Variants in CCSER1 observed in about 807,000 individuals in gnomAD.
CCSER1 encodes serine-rich coiled-coil domain-containing protein 1.
A neutral mutation model predicts 82.0 loss-of-function variants in CCSER1; 41 were observed. That is an observed-to-expected ratio of 0.50 (90% CI 0.39 to 0.65). The LOEUF (loss-of-function observed/expected upper bound fraction) is 0.65. CCSER1 is among the 30% of genes least tolerant of loss of function. CCSER1 has a pLI of 0.00. For missense variants in CCSER1, 1,119 were observed against 1,064.2 expected (o/e 1.05, Z -0.72); for synonymous variants, 414 against 383.9 (o/e 1.08, Z -0.92).
At chr4:90,954,399 A>T (rs928838818) in intron 9 of CCSER1, among the ~76,000 whole-genome samples, 1 of 152,014 alleles carries the variant, frequency 6.6e-6, no homozygotes, top group African/African-American at 2.4e-5. Context: ...TTTATAATTC[A>T]TTTCAGTTTT....
chr4:91,185,323 C>T (rs919767988), intron 10 of CCSER1, among the ~76,000 whole-genome samples: 11 of 152,146 alleles, frequency 7.2e-5, no homozygotes, highest in Admixed American at 3.3e-4. Flanking sequence ...GTAGATATAA[C>T]GATTTGAATT....
intron 4 of CCSER1, among the ~76,000 whole-genome samples, chr4:90,413,657 A>G (rs962192757): frequency 2.6e-5 from 4 of 151,924 alleles, no homozygotes; most frequent in African/African-American, 7.3e-5. Context: ...AATCCTTGTA[A>G]TAAAGAGTCC....
At chr4:91,264,751 G>A (rs953877917) in intron 10 of CCSER1, among the ~76,000 whole-genome samples, 3 of 151,970 alleles carry the variant, frequency 2.0e-5, no homozygotes, top group Non-Finnish European at 4.4e-5. Context: ...GGTGCATTCA[G>A]GGTAGTATGG....
At chr4:91,246,359 C>T (rs1012599850) in intron 10 of CCSER1, among the ~76,000 whole-genome samples, 22 of 151,936 alleles carry the variant, frequency 1.4e-4, no homozygotes, top group African/African-American at 4.1e-4. Flanking sequence ...AATTGAGAAA[C>T]GTACAACAGA....
At chr4:90,608,000 T>A (rs905670742) in intron 5 of CCSER1, among the ~76,000 whole-genome samples, 15 of 152,194 alleles carry the variant, frequency 9.9e-5, no homozygotes, top group African/African-American at 3.6e-4. Context: ...CAACTATATT[T>A]AGTAATGTTG....
intron 10 of CCSER1, among the ~76,000 whole-genome samples, chr4:91,274,012 CTTTATT>C (rs1349211239): frequency 6.6e-6 from 1 of 152,064 alleles, no homozygotes; most frequent in African/African-American, 2.4e-5. Context: ...GTTAACTCTC[CTTTATT>C]TTTAACTAAT....
intron 1 of CCSER1, among the ~76,000 whole-genome samples, chr4:90,203,761 C>A (rs554318434): frequency 6.6e-6 from 1 of 152,120 alleles, no homozygotes; most frequent in Non-Finnish European, 1.5e-5. Context: ...CATGAGGAAT[C>A]GCCACCCTGT....
chr4:91,029,975 C>G (rs2150551947), intron 9 of CCSER1, among the ~76,000 whole-genome samples: 1 of 151,050 alleles, frequency 6.6e-6, no homozygotes, highest in Non-Finnish European at 1.5e-5. Context: ...GCAATATTTA[C>G]TGTATTTTTG....
rs765197842 is a variant in CCSER1 at position 90,932,982 on chromosome 4, GAGAAAGAAAGAAAGAAAGAA to G, written c.2172+9579_2172+9598del. 2.8e-3 allele frequency among the ~76,000 whole-genome samples: 53 copies of G among 18,862 alleles called. 5 individuals carry two copies. The highest frequency in any genetic ancestry group is 0.023 in the Middle Eastern group (1 of 44). 12.4% of individuals were successfully genotyped at this position (18,862 alleles called of 152,430 possible). A position where few individuals can be genotyped will look rare whatever the true frequency, so the allele number is the denominator to read the frequency against. ...AGAAAGAAAGAAAGAAAGAAAGAAAGAGAAAGAAAGAAAGAAAGAAAGAAAGAAAGAAAGAAAGAAAGAAA... is the reference window on the plus strand; with the variant it reads ...AGAAAGAAAGAAAGAAAGAAAGAAAGAGAAAGAAAGAAAGAAAGAAAGAAA... On this transcript the variant is annotated intron_variant, in intron 9 of 10. Coordinates refer to ENST00000509176, the MANE Select transcript of CCSER1 (RefSeq NM_001145065.2).
intron 10 of CCSER1, among the ~76,000 whole-genome samples, chr4:91,465,989 C>T (rs1164279382): frequency 6.6e-6 from 1 of 152,146 alleles, no homozygotes; most frequent in Non-Finnish European, 1.5e-5. Context: ...GGGGATCCTC[C>T]CTAACTCATT....
intron 9 of CCSER1, among the ~76,000 whole-genome samples, chr4:91,018,229 A>G (rs1198496285): frequency 1.3e-5 from 2 of 152,126 alleles, no homozygotes; most frequent in African/African-American, 4.8e-5. Context: ...CTCAAAGCAT[A>G]GCTTTCCAAA....
At chr4:90,502,898 T>C (rs546785707) in intron 5 of CCSER1, among the ~76,000 whole-genome samples, 103 of 152,278 alleles carry the variant, frequency 6.8e-4, no homozygotes, top group Non-Finnish European at 1.0e-3. Flanking sequence ...AAAGGTGTTT[T>C]CTCAAGTGAA....
At chr4:91,335,845 G>T (rs1003912976) in intron 10 of CCSER1, among the ~76,000 whole-genome samples, 1 of 151,974 alleles carries the variant, frequency 6.6e-6, no homozygotes, top group African/African-American at 2.4e-5. Flanking sequence ...AATTGTTTAT[G>T]TGTGCTCATC....
chr4:90,851,133 C>T (rs1385308407), intron 8 of CCSER1, among the ~76,000 whole-genome samples: 1 of 152,146 alleles, frequency 6.6e-6, no homozygotes, highest in African/African-American at 2.4e-5. Context: ...TCTGGGGCCT[C>T]CCTAGGCATG....
intron 10 of CCSER1, among the ~76,000 whole-genome samples, chr4:91,577,031 A>T (rs1424290562): frequency 6.6e-6 from 1 of 151,994 alleles, no homozygotes; most frequent in Non-Finnish European, 1.5e-5. Context: ...AAAAGTCATA[A>T]TTTTGCTGCA....
intron 1 of CCSER1, among the ~76,000 whole-genome samples, chr4:90,248,108 G>A (rs922616854): frequency 6.6e-6 from 1 of 152,038 alleles, no homozygotes; most frequent in African/African-American, 2.4e-5. Flanking sequence ...TCTTTGATTA[G>A]ATTTATAGGT....
At chr4:90,393,973 T>C (rs536687735) in intron 3 of CCSER1, among the ~76,000 whole-genome samples, 1 of 150,726 alleles carries the variant, frequency 6.6e-6, no homozygotes, top group Non-Finnish European at 1.5e-5. Flanking sequence ...GAGAGGGGGG[T>C]CTCGCTGTTT....
intron 5 of CCSER1, among the ~76,000 whole-genome samples, chr4:90,543,043 C>G (rs1481052369): frequency 6.6e-6 from 1 of 152,010 alleles, no homozygotes; most frequent in Non-Finnish European, 1.5e-5. Context: ...ATATATTTAC[C>G]TGACTGACAT....
intron 3 of CCSER1, among the ~76,000 whole-genome samples, chr4:90,330,012 A>C (rs538081992): frequency 3.5e-4 from 54 of 152,304 alleles, no homozygotes; most frequent in African/African-American, 9.6e-4. Flanking sequence ...CAAAGACCAA[A>C]AAATAACATA....
Sources: gnomAD v4.1 joint callset for allele counts (sites outside exome capture counted in the v4.1 genomes callset) on GRCh38, gnomAD v4.1.1 for gene constraint, MANE v1.5 for transcripts, NCBI Gene and HGNC (gene_info 2026-07-23, HGNC 2026-07-21) for gene names.